CPA6: variants seen among roughly 807,000 people sequenced by gnomAD.
CPA6 encodes carboxypeptidase A6.
CPA6 carries 58 observed loss-of-function variants against 63.3 expected under a neutral mutation model. The ratio of observed to expected loss-of-function variants is 0.92; its 90% CI spans 0.74 to 1.14. The LOEUF (loss-of-function observed/expected upper bound fraction) is 1.14. Ranked by LOEUF, CPA6 falls within the 50% of genes most tolerant of loss-of-function variation. CPA6 has a pLI of 0.00. For synonymous variants in CPA6, 185 were observed against 179.0 expected (o/e 1.03, Z -0.27); for missense variants, 565 against 526.6 (o/e 1.07, Z -0.71).
At chr8:67,698,094 G>C (rs1816944720) in intron 1 of CPA6, among the ~76,000 whole-genome samples, 1 of 152,038 alleles carries the variant, frequency 6.6e-6, no homozygotes, top group African/African-American at 2.4e-5. Flanking sequence ...ATTTTATCAA[G>C]GTTTGAGATT....
chr8:67,648,929 G>C (rs1341056418), intron 1 of CPA6, among the ~76,000 whole-genome samples: 1 of 152,058 alleles, frequency 6.6e-6, no homozygotes, highest in Non-Finnish European at 1.5e-5. Flanking sequence ...CCTCGGTTTG[G>C]GGATTTTCTT....
chr8:67,602,391 T>A (rs896664282), intron 2 of CPA6, among the ~76,000 whole-genome samples: 1 of 152,158 alleles, frequency 6.6e-6, no homozygotes, highest in Admixed American at 6.5e-5. Context: ...CCTTTGAACA[T>A]CTTGAATTTT....
intron 2 of CPA6, among the ~76,000 whole-genome samples, chr8:67,602,058 A>G (rs776003570): frequency 9.2e-5 from 14 of 152,202 alleles, no homozygotes; most frequent in Non-Finnish European, 1.8e-4. Context: ...AGATTTTGTT[A>G]TGGATTATCA....
chr8:67,561,335 G>A (rs1813207276), intron 2 of CPA6, among the ~76,000 whole-genome samples: 1 of 152,114 alleles, frequency 6.6e-6, no homozygotes, highest in Admixed American at 6.6e-5. Flanking sequence ...CCCTGGCTTG[G>A]CAGACACCTT....
chr8:67,639,572 GC>G (rs1177170761), intron 1 of CPA6, among the ~76,000 whole-genome samples: 1 of 151,598 alleles, frequency 6.6e-6, no homozygotes, highest in Non-Finnish European at 1.5e-5. Flanking sequence ...ATGGTGTGGT[GC>G]CCGGAAGCTT....
chr8:67,548,959 G>A (rs1006531397), intron 2 of CPA6, among the ~76,000 whole-genome samples: 1 of 152,148 alleles, frequency 6.6e-6, no homozygotes, highest in African/African-American at 2.4e-5. Flanking sequence ...GGGTCCAAAG[G>A]ACACAGTGCC....
chr8:67,427,970 C>T (rs1809930611), intron 10 of CPA6, 77 bp downstream of exon 10: 1 of 945,932 alleles, frequency 1.1e-6, no homozygotes, highest in Non-Finnish European at 1.6e-6. Flanking sequence ...ACACTTTCTC[C>T]CTTCTAAAAG....
At chr8:67,602,676 A>G (rs561268986) in intron 2 of CPA6, among the ~76,000 whole-genome samples, 1 of 152,344 alleles carries the variant, frequency 6.6e-6, no homozygotes, top group African/African-American at 2.4e-5. Context: ...AGAAATATAA[A>G]TAAAACCAAA....
intron 1 of CPA6, among the ~76,000 whole-genome samples, chr8:67,692,328 CAAAAAAAAAAA>C (rs55676882): frequency 1.1e-5 from 1 of 89,992 alleles, no homozygotes; most frequent in Non-Finnish European, 2.3e-5. Flanking sequence ...AATCCTGTCT[CAAAAAAAAAAA>C]AAAAAAAAAA....
At chr8:67,544,619 C>G (rs1812774486) in intron 2 of CPA6, among the ~76,000 whole-genome samples, 1 of 152,156 alleles carries the variant, frequency 6.6e-6, no homozygotes, top group African/African-American at 2.4e-5. Context: ...TTTAGATGAC[C>G]TTTTTCTTGA....
At chr8:67,613,601 C>G (rs2128985436) in intron 2 of CPA6, among the ~76,000 whole-genome samples, 1 of 152,308 alleles carries the variant, frequency 6.6e-6, no homozygotes, top group South Asian at 2.1e-4. Context: ...CTTTACAGAT[C>G]AGGAAATAGA....
At chr8:67,740,641 C>G (rs916990969) in intron 1 of CPA6, among the ~76,000 whole-genome samples, 7 of 152,172 alleles carry the variant, frequency 4.6e-5, no homozygotes, top group African/African-American at 1.4e-4. Flanking sequence ...ATGATCTTGG[C>G]TCACTGCAAC....
chr8:67,731,296 T>C (rs1465311925), intron 1 of CPA6, among the ~76,000 whole-genome samples: 3 of 152,274 alleles, frequency 2.0e-5, no homozygotes, highest in Non-Finnish European at 4.4e-5. Context: ...GCAAGTCCTT[T>C]GGTATGCTAT....
intron 1 of CPA6, among the ~76,000 whole-genome samples, chr8:67,627,347 A>G (rs917480970): frequency 6.6e-6 from 1 of 152,226 alleles, no homozygotes; most frequent in Admixed American, 6.5e-5. Flanking sequence ...GGGAAGTTTC[A>G]GGTAGTCTAC....
intron 8 of CPA6, among the ~76,000 whole-genome samples, chr8:67,449,311 C>T (rs909690048): frequency 6.6e-6 from 1 of 152,094 alleles, no homozygotes; most frequent in African/African-American, 2.4e-5. Flanking sequence ...CTGTTCTGTT[C>T]TGCTGTTCTA....
chr8:67,650,761 C>T (rs1393427524), intron 1 of CPA6, among the ~76,000 whole-genome samples: 4 of 152,032 alleles, frequency 2.6e-5, no homozygotes, highest in Non-Finnish European at 1.5e-5. Flanking sequence ...AGACCTGATC[C>T]CACACGCACT....
intron 2 of CPA6, among the ~76,000 whole-genome samples, chr8:67,568,314 C>A (rs1057492927): frequency 1.3e-5 from 2 of 152,094 alleles, no homozygotes; most frequent in Admixed American, 1.3e-4. Context: ...CAGCAATGGA[C>A]CCTAGAGAAA....
Position 67,574,577 on chromosome 8 carries a change from A to G in CPA6, c.192+49599T>C, listed in dbSNP as rs529579257. 2.6e-5 allele frequency among the ~76,000 whole-genome samples: 4 copies of G among 152,310 alleles called. No homozygotes were observed. The South Asian group carries it at 8.3e-4, about 32-fold the overall frequency. On this transcript the variant is annotated intron_variant, in intron 2 of 10. Transcript: ENST00000297770. ...ATGGAACAGAACAGAAATCATAGAA[A>G]TGAATCTGTTCCTCTATGGTCAATG... is the stretch of plus-strand genomic sequence containing the variant.
intron 1 of CPA6, among the ~76,000 whole-genome samples, chr8:67,649,311 G>A (rs114557545): frequency 3.4e-3 from 519 of 152,292 alleles, no homozygotes; most frequent in African/African-American, 0.011. Flanking sequence ...CAAATTATCA[G>A]TGACAACTGA....
Sources: allele counts gnomAD v4.1 joint callset (sites outside exome capture counted in the v4.1 genomes callset), GRCh38; gene constraint gnomAD v4.1.1; transcripts MANE v1.5; gene names NCBI Gene and HGNC (gene_info 2026-07-23, HGNC 2026-07-21).